Variants in UBE2Q2 observed in about 807,000 individuals in gnomAD.
UBE2Q2 encodes ubiquitin conjugating enzyme E2 Q2.
A neutral mutation model predicts 59.9 loss-of-function variants in UBE2Q2; 54 were observed. The observed-to-expected ratio is 0.90, with a 90% CI of 0.72 to 1.13. UBE2Q2 has a LOEUF of 1.13. Ranked by LOEUF, UBE2Q2 falls within the 50% of genes most tolerant of loss-of-function variation. UBE2Q2 has a pLI of 0.00. For synonymous variants in UBE2Q2, 165 were observed against 155.2 expected (o/e 1.06, Z -0.47); for missense variants, 433 against 441.9 (o/e 0.98, Z 0.18).
intron 4 of UBE2Q2, among the ~76,000 whole-genome samples, chr15:75,871,462 C>T (rs951710674): frequency 6.6e-6 from 1 of 152,238 alleles, no homozygotes; most frequent in African/African-American, 2.4e-5. Context: ...ATATTTCAGA[C>T]TATCACATGG....
chr15:75,882,056 A>T (rs1898460240), intron 8 of UBE2Q2, among the ~76,000 whole-genome samples: 2 of 152,192 alleles, frequency 1.3e-5, no homozygotes, highest in Admixed American at 1.3e-4. Context: ...TGGAAGCATT[A>T]GTTTTTATTT....
chr15:75,844,628 C>A, intron 1 of UBE2Q2: 1 of 901,758 alleles, frequency 1.1e-6, no homozygotes, highest in Non-Finnish European at 1.6e-6. Context: ...TAAAAACTCA[C>A]TCATTAAGCG....
intron 2 of UBE2Q2, among the ~76,000 whole-genome samples, chr15:75,855,914 G>A (rs1307590687): frequency 6.6e-6 from 1 of 152,178 alleles, no homozygotes; most frequent in African/African-American, 2.4e-5. Flanking sequence ...TGCTGGGTGT[G>A]TAGTGGCTCA....
rs1311238109 is a variant in UBE2Q2, at chr15:75,873,479, G to A, written c.499G>A (p.Gly167Arg). ...YEMKEEEPISGKKSEDEGIEK... is the reference protein window; with the variant it reads ...YEMKEEEPISRKKSEDEGIEK... Reference sequence around the variant, plus strand: ...GATGAAGGAAGAAGAGCCTATTAGTGGGAAAAAGTCAGAGGATGAAGGAAT... The same window carrying A: ...GATGAAGGAAGAAGAGCCTATTAGTAGGAAAAAGTCAGAGGATGAAGGAAT... The change falls in exon 5 of 13, where the codon GGG becomes AGG. Residue 167 changes from glycine to arginine, a missense_variant. Coordinates refer to ENST00000267938, the MANE Select transcript of UBE2Q2 (RefSeq NM_173469.4). The A allele has an allele frequency of 6.2e-7, 1 of 1,613,670 alleles. No homozygotes were observed. The highest frequency in any genetic ancestry group is 1.3e-5 in the African/African-American group (1 of 75,004).
At chr15:75,890,204 CT>C (rs1299211914) in intron 9 of UBE2Q2, among the ~76,000 whole-genome samples, 1 of 152,100 alleles carries the variant, frequency 6.6e-6, no homozygotes, top group African/African-American at 2.4e-5. Flanking sequence ...GTATTATGTT[CT>C]AAGAACCATT....
In UBE2Q2 at chr15:75,854,471, C is replaced by A. The variant is rs150727029; in HGVS notation, c.266C>A (p.Thr89Asn). Residue 89 changes from threonine to asparagine, a missense_variant, in exon 2 of 13, where the codon ACT becomes AAT. By Grantham distance (65) the Thr-to-Asn change is moderately conservative. Coordinates refer to ENST00000267938, the MANE Select transcript of UBE2Q2 (RefSeq NM_173469.4). ...LTSVLERLED[T>N]KNNNLLRQQL... ...TCAGTTCTGGAACGTCTAGAAGATACTAAGAACAACAATTTGGTAAGAAAA... is the reference window on the plus strand; with the variant it reads ...TCAGTTCTGGAACGTCTAGAAGATAATAAGAACAACAATTTGGTAAGAAAA... The A allele has an allele frequency of 3.5e-5, 56 of 1,608,752 alleles. No individual in the cohort carries two copies. The African/African-American group carries it at 5.3e-4, about 15-fold the overall frequency.
chr15:75,892,723 A>T (rs979916699), intron 11 of UBE2Q2, among the ~76,000 whole-genome samples: 9 of 152,106 alleles, frequency 5.9e-5, no homozygotes, highest in African/African-American at 2.2e-4. Context: ...ACCCTAAAAA[A>T]ACAATTAGCT....
At chr15:75,865,288 G>T (rs1242511230) in intron 3 of UBE2Q2, among the ~76,000 whole-genome samples, 2 of 152,166 alleles carry the variant, frequency 1.3e-5, no homozygotes, top group Non-Finnish European at 2.9e-5. Flanking sequence ...AAATCATACT[G>T]TATGTATTTT....
intron 9 of UBE2Q2, 124 bp downstream of exon 9, chr15:75,883,548 C>A: frequency 1.5e-6 from 1 of 661,808 alleles, no homozygotes; most frequent in East Asian, 3.0e-5. Flanking sequence ...GTGATCCTCC[C>A]ACCTTGGCCT....
chr15:75,877,844 C>T, intron 6 of UBE2Q2, 117 bp from the exon 7 acceptor site: 1 of 771,734 alleles, frequency 1.3e-6, no homozygotes, highest in Non-Finnish European at 2.1e-6. Flanking sequence ...CTTAGTTGTT[C>T]CATGTTTTAA....
rs180703090 is a variant in UBE2Q2, at chr15:75,859,103, A to G, written c.283-775A>G. On this transcript the variant is annotated intron_variant, in intron 2 of 12. Transcript: ENST00000267938. ...TATACATTGAAAAACATTTTAAACA[A>G]TGAACACCATACTTGTGCACATGAT... is the stretch of plus-strand genomic sequence containing the variant. 1.4e-4 allele frequency among the ~76,000 whole-genome samples: 22 copies of G among 152,322 alleles called. No homozygotes were observed. The East Asian group carries it at 3.9e-3, about 27-fold the overall frequency.
rs1319806451 is a variant in UBE2Q2, at chr15:75,846,553, TA to T, written c.180+2711del. ...TTTTAAACATGGATGACTGTTTTGA[TA>T]AAATGACATGGCTTGTTCATGTCGA... On this transcript the variant is annotated intron_variant, in intron 1 of 12. Coordinates refer to ENST00000267938, the MANE Select transcript of UBE2Q2 (RefSeq NM_173469.4). Among the ~76,000 whole-genome samples, 3 of 152,288 alleles carry T rather than the reference TA, an allele frequency of 2.0e-5. No homozygotes were observed. The East Asian group carries it at 5.8e-4, about 29-fold the overall frequency.
intron 8 of UBE2Q2, among the ~76,000 whole-genome samples, chr15:75,881,440 T>C (rs991940245): frequency 5.3e-5 from 8 of 152,148 alleles, no homozygotes; most frequent in African/African-American, 1.9e-4. Flanking sequence ...TGAATTTCTG[T>C]TGGATTTGTG....
At chr15:75,868,549 A>C (rs960402181) in intron 3 of UBE2Q2, among the ~76,000 whole-genome samples, 1 of 152,216 alleles carries the variant, frequency 6.6e-6, no homozygotes. Flanking sequence ...GGCTTTCCAA[A>C]GTTAAAAAGG....
At chr15:75,857,218 G>A (rs972991308) in intron 2 of UBE2Q2, among the ~76,000 whole-genome samples, 6 of 152,196 alleles carry the variant, frequency 3.9e-5, no homozygotes, top group Admixed American at 3.9e-4. Context: ...CCCAGCAAGG[G>A]GGTTGATGGG....
At chr15:75,862,419 C>CTT (rs553538678) in intron 3 of UBE2Q2, among the ~76,000 whole-genome samples, 4 of 139,194 alleles carry the variant, frequency 2.9e-5, no homozygotes, top group Non-Finnish European at 4.7e-5. Flanking sequence ...TTATTTTGGT[C>CTT]TTTTTTTTTT....
chr15:75,844,182 C>G, intron 1 of UBE2Q2: 1 of 1,442,652 alleles, frequency 6.9e-7, no homozygotes, highest in Non-Finnish European at 9.1e-7. Flanking sequence ...CGGCCTGCTC[C>G]CGGGACCGGG....
At chr15:75,866,591 A>G (rs1362907887) in intron 3 of UBE2Q2, among the ~76,000 whole-genome samples, 2 of 151,792 alleles carry the variant, frequency 1.3e-5, no homozygotes, top group Admixed American at 6.6e-5. Flanking sequence ...TGAATGTTAG[A>G]TCTCTATATC....
At chr15:75,849,671 A>C (rs1028887348) in intron 1 of UBE2Q2, among the ~76,000 whole-genome samples, 2 of 152,196 alleles carry the variant, frequency 1.3e-5, no homozygotes, top group Non-Finnish European at 2.9e-5. Context: ...CACTTACAGT[A>C]ATGTTTATGG....
Sources: gnomAD v4.1 joint callset for allele counts (sites outside exome capture counted in the v4.1 genomes callset) on GRCh38, gnomAD v4.1.1 for gene constraint, MANE v1.5 for transcripts, NCBI Gene and HGNC (gene_info 2026-07-23, HGNC 2026-07-21) for gene names.